Variants in BTBD1 observed in about 807,000 individuals in gnomAD.
BTBD1 encodes BTB/POZ domain-containing protein 1.
BTBD1 carries 34 observed loss-of-function variants against 48.0 expected under a neutral mutation model. That is an observed-to-expected ratio of 0.71 (90% CI 0.54 to 0.94). The LOEUF is 0.94. BTBD1 is among the 40% of genes least tolerant of loss of function. BTBD1 has a pLI of 0.00. For synonymous variants in BTBD1, 261 were observed against 242.1 expected (o/e 1.08, Z -0.72); for missense variants, 543 against 625.6 (o/e 0.87, Z 1.41).
intron 5 of BTBD1, among the ~76,000 whole-genome samples, chr15:83,027,459 C>G (rs2032431643): frequency 6.6e-6 from 1 of 152,196 alleles, no homozygotes; most frequent in Non-Finnish European, 1.5e-5. Context: ...GGCTGCCCCA[C>G]TAAGAGGTGC....
chr15:83,047,662 CA>C (rs1488264996), intron 3 of BTBD1, among the ~76,000 whole-genome samples: 1 of 152,160 alleles, frequency 6.6e-6, no homozygotes, highest in African/African-American at 2.4e-5. Flanking sequence ...CATCTGCCAG[CA>C]AAACACAGAT....
At chr15:83,044,471 G>A in intron 3 of BTBD1, 1 of 1,576,138 alleles carries the variant, frequency 6.3e-7, no homozygotes, top group Non-Finnish European at 8.7e-7. Flanking sequence ...TGCGAAAAAT[G>A]GACGCAATGG....
chr15:83,028,301 A>G (rs1000865183), intron 5 of BTBD1, among the ~76,000 whole-genome samples: 10 of 152,158 alleles, frequency 6.6e-5, no homozygotes, highest in Admixed American at 1.3e-4. Flanking sequence ...TCTGACATCT[A>G]TTGAAATTAA....
intron 4 of BTBD1, among the ~76,000 whole-genome samples, chr15:83,039,665 T>TTA (rs1188121118): frequency 6.6e-6 from 1 of 151,300 alleles, no homozygotes; most frequent in Non-Finnish European, 1.5e-5. Flanking sequence ...GTAGTCCCAG[T>TTA]TACTCAGGAG....
chr15:83,044,718 T>C (rs2032843482), intron 3 of BTBD1: 2 of 1,465,904 alleles, frequency 1.4e-6, no homozygotes, highest in East Asian at 4.5e-5. Flanking sequence ...ATTAGTGGTG[T>C]ACTGTGTCAT....
intron 5 of BTBD1, among the ~76,000 whole-genome samples, chr15:83,026,137 CCAT>C (rs1261417638): frequency 1.8e-4 from 27 of 152,126 alleles, no homozygotes; most frequent in African/African-American, 6.5e-4. Context: ...ACAACTGTCA[CCAT>C]TATTCATCTC....
intron 1 of BTBD1, among the ~76,000 whole-genome samples, chr15:83,062,380 T>A (rs2033190098): frequency 6.6e-6 from 1 of 152,068 alleles, no homozygotes; most frequent in Admixed American, 6.6e-5. Context: ...TAGAATGGAG[T>A]GAAACGAAAC....
In BTBD1 at chr15:83,067,137, C is replaced by T; in HGVS notation, c.15G>A (p.Gly5=). MASL[G]PAAAGEQASG... The stretch of plus-strand genomic sequence containing the variant: ...ACGCCTGCTCCCCAGCTGCGGCAGG[C>T]CCGAGTGAGGCCATCCTCCAGCTGC... Residue 5 remains glycine, a synonymous_variant, in exon 1 of 8, where the codon GGG becomes GGA. Transcript: ENST00000261721. 1 of 1,437,512 alleles carries T rather than the reference C, an allele frequency of 7.0e-7. No homozygotes were observed. Among genetic ancestry groups the T allele is most frequent in the South Asian group, 1.5e-5 (1 of 65,612 alleles). 89.0% of individuals were successfully genotyped at this position (1,437,512 alleles called of 1,614,324 possible).
At chr15:83,037,926 A>G (rs2032661234) in intron 4 of BTBD1, among the ~76,000 whole-genome samples, 1 of 152,102 alleles carries the variant, frequency 6.6e-6, no homozygotes, top group African/African-American at 2.4e-5. Context: ...TCTACTAAAA[A>G]TACAAAAATT....
intron 5 of BTBD1, among the ~76,000 whole-genome samples, chr15:83,027,298 G>A (rs1462119151): frequency 6.6e-6 from 1 of 152,258 alleles, no homozygotes; most frequent in Non-Finnish European, 1.5e-5. Flanking sequence ...GTTGCAGTGA[G>A]CCGGGATCGC....
At chr15:83,024,611 C>A (rs2032368928) in intron 5 of BTBD1, among the ~76,000 whole-genome samples, 1 of 152,072 alleles carries the variant, frequency 6.6e-6, no homozygotes, top group Non-Finnish European at 1.5e-5. Context: ...TTAATTTTCC[C>A]AGTGGTTAAT....
intron 1 of BTBD1, among the ~76,000 whole-genome samples, chr15:83,066,118 CCT>C (rs1567115468): frequency 6.6e-6 from 1 of 152,008 alleles, no homozygotes; most frequent in African/African-American, 2.4e-5. Context: ...ATAGTGAAAC[CCT>C]CTCTCTACCA....
chr15:83,041,940 CA>C lies in BTBD1; in HGVS notation c.665-16del. On this transcript the variant is annotated splice_polypyrimidine_tract_variant and intron_variant, in intron 3 of 7. Transcript: ENST00000261721. ...ACAGAGTGTATCTATAGGCAAAATA[CA>C]AAATAAACCCAATTAGAAATATTTT... is the stretch of plus-strand genomic sequence containing the variant. 6.2e-7 allele frequency: 1 copy of C among 1,607,164 alleles called. No individual in the cohort carries two copies. The highest frequency in any genetic ancestry group is 8.5e-7 in the Non-Finnish European group (1 of 1,174,056).
chr15:83,055,888 T>TA (rs2033073097), intron 2 of BTBD1, among the ~76,000 whole-genome samples: 1 of 152,172 alleles, frequency 6.6e-6, no homozygotes, highest in Non-Finnish European at 1.5e-5. Context: ...ACCCCACTTA[T>TA]ATGTATAAGG....
chr15:83,066,627 C>A (rs1207880414), intron 1 of BTBD1, 124 bp downstream of exon 1: 1 of 1,056,696 alleles, frequency 9.5e-7, no homozygotes, highest in African/African-American at 1.7e-5. Context: ...ACTGAGGCCC[C>A]GGGCGGGTCA....
At chr15:83,062,306 T>C (rs1285324205) in intron 1 of BTBD1, among the ~76,000 whole-genome samples, 1 of 152,070 alleles carries the variant, frequency 6.6e-6, no homozygotes. Flanking sequence ...GTTGAAGCAA[T>C]GCAGAAAAAA....
At chr15:83,061,706 CCAT>C (rs2033178891) in intron 1 of BTBD1, 2 of 152,218 alleles carry the variant, frequency 1.3e-5, no homozygotes, top group Admixed American at 6.5e-5. Flanking sequence ...TAAGGCTCAG[CCAT>C]CCCAGACTGT....
In BTBD1 at chr15:83,017,055, C is replaced by T. The variant is rs991546417; in HGVS notation, c.*1012G>A. 1 of 152,612 alleles carries T rather than the reference C, an allele frequency of 6.6e-6. No homozygotes were observed. The highest frequency in any genetic ancestry group is 1.5e-5 in the Non-Finnish European group (1 of 68,038). The allele number at this position is 152,612 out of a possible 1,614,324, so 9.5% of individuals were successfully genotyped here. ...CCAGATATACTTCCTATCCCCAACA[C>T]AGCTGTAACACTGACTAATGGGGTC... On this transcript the variant is annotated 3_prime_UTR_variant, in exon 8 of 8. Coordinates refer to ENST00000261721, the MANE Select transcript of BTBD1 (RefSeq NM_025238.4).
intron 3 of BTBD1, chr15:83,044,434 A>G (rs1049991010): frequency 6.3e-7 from 1 of 1,577,472 alleles, no homozygotes; most frequent in South Asian, 1.1e-5. Flanking sequence ...TGATGAATAC[A>G]TGAAGGAGGA....
Sources: allele counts gnomAD v4.1 joint callset (sites outside exome capture counted in the v4.1 genomes callset), GRCh38; gene constraint gnomAD v4.1.1; transcripts MANE v1.5; gene names NCBI Gene and HGNC (gene_info 2026-07-23, HGNC 2026-07-21).